PAX8: variants seen among roughly 807,000 people sequenced by gnomAD.
The protein encoded by PAX8 is paired box 8.
Under a neutral mutation model 52.4 loss-of-function variants are expected in PAX8, and 15 were observed. The ratio of observed to expected loss-of-function variants is 0.29; its 90% CI spans 0.19 to 0.44. The LOEUF is 0.44. Ranked by LOEUF, PAX8 falls within the 20% of genes least tolerant of loss-of-function variation. PAX8 has a pLI of 1.00. For missense variants in PAX8, 554 were observed against 602.5 expected (o/e 0.92, Z 0.84); for synonymous variants, 284 against 249.7 (o/e 1.14, Z -1.29).
chr2:113,242,911 C>T (rs1024357466), intron 4 of PAX8, 133 bp from the exon 5 acceptor site: 6 of 715,736 alleles, frequency 8.4e-6, no homozygotes, highest in African/African-American at 1.7e-5. Context: ...TGTCCACAGT[C>T]AAGTCTGTGA....
At chr2:113,246,672 G>A (rs1691342968) in intron 3 of PAX8, 82 bp downstream of exon 3, 2 of 1,478,152 alleles carry the variant, frequency 1.4e-6, no homozygotes, top group Admixed American at 1.7e-5. Flanking sequence ...TCCCTGGGAG[G>A]GGAATTCTCT....
In PAX8 at chr2:113,263,415, C is replaced by T. The variant is rs371960550; in HGVS notation, c.25+14955G>A. On this transcript the variant is annotated intron_variant, in intron 2 of 11. Coordinates refer to ENST00000429538, the MANE Select transcript of PAX8 (RefSeq NM_003466.4). Reference sequence around the variant, plus strand: ...ATCCAGTCTAAATGTTGGTTATAAACTCACCTGACATCCACAGGGCCCTTC... The same window carrying T: ...ATCCAGTCTAAATGTTGGTTATAAATTCACCTGACATCCACAGGGCCCTTC... The T allele has an allele frequency of 2.6e-5, 4 of 153,032 alleles. No individual in the cohort carries two copies. The East Asian group carries it at 5.8e-4, about 22-fold the overall frequency. 9.5% of individuals were successfully genotyped at this position (153,032 alleles called of 1,614,324 possible). A position where few individuals can be genotyped will look rare whatever the true frequency, so the allele number is the denominator to read the frequency against.
At chr2:113,242,554 A>T in intron 5 of PAX8, 136 bp downstream of exon 5, 4 of 762,614 alleles carry the variant, frequency 5.2e-6, no homozygotes, top group Non-Finnish European at 9.6e-6. Flanking sequence ...CTCAGTCTAC[A>T]CATGGGTTTG....
chr2:113,228,368 G>A (rs1225937366), intron 9 of PAX8, among the ~76,000 whole-genome samples: 1 of 152,202 alleles, frequency 6.6e-6, no homozygotes, highest in East Asian at 1.9e-4. Context: ...AAATGCTCCA[G>A]TTGGAATAAT....
At chr2:113,241,062 C>A in intron 7 of PAX8, 1 of 225,512 alleles carries the variant, frequency 4.4e-6, no homozygotes, top group Non-Finnish European at 8.9e-6. Context: ...GGAGGAAAGG[C>A]ATTCTGTGTG....
chr2:113,244,378 C>T (rs1691136993), intron 4 of PAX8, 49 bp downstream of exon 4: 1 of 1,461,404 alleles, frequency 6.8e-7, no homozygotes, highest in Non-Finnish European at 9.6e-7. Flanking sequence ...CTGATTTCCC[C>T]AAAGCCCAGG....
intron 2 of PAX8, chr2:113,275,098 G>A (rs1693710747): frequency 6.6e-6 from 1 of 152,204 alleles, no homozygotes; most frequent in Non-Finnish European, 1.5e-5. Context: ...TTTGGGGGTA[G>A]ACTGATAAAA....
Position 113,237,853 on chromosome 2 carries a change from A to C in PAX8, c.778-1132T>G, listed in dbSNP as rs986003157. ...AGTAGTTACATAACAGTGCCACTAA[A>C]GGCAATTGTTTTCAGTGATTTCCAT... On this transcript the variant is annotated intron_variant, in intron 7 of 11. Coordinates refer to ENST00000429538, the MANE Select transcript of PAX8 (RefSeq NM_003466.4). 3.9e-5 allele frequency: 6 copies of C among 152,338 alleles called. No individual in the cohort carries two copies. In the South Asian group the frequency reaches 1.2e-3, roughly 32 times the overall value. The allele number at this position is 152,338 out of a possible 1,614,324, so 9.4% of individuals were successfully genotyped here.
intron 4 of PAX8, 59 bp from the exon 5 acceptor site, chr2:113,242,837 G>T (rs560635389): frequency 1.7e-4 from 225 of 1,359,338 alleles, no homozygotes; most frequent in Non-Finnish European, 2.3e-4. Flanking sequence ...ACTCATGGCT[G>T]CCCCAGACCC....
At chr2:113,226,583 T>G in intron 10 of PAX8, 1 of 1,047,336 alleles carries the variant, frequency 9.5e-7, no homozygotes, top group Non-Finnish European at 1.2e-6. Flanking sequence ...TCTATAGTAC[T>G]CTTAGAGTAC....
chr2:113,273,610 C>T (rs1223303660), intron 2 of PAX8: 2 of 152,280 alleles, frequency 1.3e-5, no homozygotes, highest in East Asian at 1.9e-4. Flanking sequence ...TATCTCTGGA[C>T]AATATATACT....
chr2:113,226,985 TG>T lies in PAX8; in HGVS notation c.1189+169del, dbSNP rs200026844. ...GTTAAATAGGGAGTCAGGACTGCAC[TG>T]GGACATCGTCTCCAGGCATTTACAA... On this transcript the variant is annotated intron_variant, in intron 10 of 11. Coordinates refer to ENST00000429538, the MANE Select transcript of PAX8 (RefSeq NM_003466.4). The T allele has an allele frequency of 8.9e-3, 13,620 of 1,523,336 alleles. 84 individuals carry two copies. Among genetic ancestry groups the T allele is most frequent in the Middle Eastern group, 0.016 (90 of 5,796 alleles). 94.4% of individuals were successfully genotyped at this position (1,523,336 alleles called of 1,614,324 possible). A position where few individuals can be genotyped will look rare whatever the true frequency, so the allele number is the denominator to read the frequency against.
At chr2:113,235,716 C>T (rs1010668000) in intron 8 of PAX8, 134 bp from the exon 9 acceptor site, 2 of 670,606 alleles carry the variant, frequency 3.0e-6, no homozygotes, top group Non-Finnish European at 2.5e-6. Flanking sequence ...AGAGTCTGGG[C>T]TGGGGAGAGC....
chr2:113,233,235 C>T (rs995462620), intron 9 of PAX8, among the ~76,000 whole-genome samples: 1 of 151,668 alleles, frequency 6.6e-6, no homozygotes, highest in Non-Finnish European at 1.5e-5. Context: ...GTCAACTCCT[C>T]GCTTTAGACC....
At chr2:113,266,981 C>T (rs1693111949) in intron 2 of PAX8, 1 of 152,182 alleles carries the variant, frequency 6.6e-6, no homozygotes, top group Non-Finnish European at 1.5e-5. Context: ...ATAATAGTGA[C>T]AAATACAGTC....
intron 9 of PAX8, among the ~76,000 whole-genome samples, chr2:113,230,262 G>A (rs563732188): frequency 1.3e-5 from 2 of 152,230 alleles, no homozygotes; most frequent in East Asian, 1.9e-4. Context: ...CTGTGGCCCC[G>A]CACTCCCCTT....
Position 113,218,464 on chromosome 2 carries a change from T to C in PAX8, c.*69A>G. Reference sequence around the variant, plus strand: ...TGTAATAAATAAAGATTCCTTTGTGTGACTCTCTGGGGCCTGTCCCAGGCT... The same window carrying C: ...TGTAATAAATAAAGATTCCTTTGTGCGACTCTCTGGGGCCTGTCCCAGGCT... On this transcript the variant is annotated 3_prime_UTR_variant, in exon 12 of 12. Transcript: ENST00000429538. The C allele has an allele frequency of 2.4e-6, 2 of 832,774 alleles. No homozygotes were observed. The highest frequency in any genetic ancestry group is 3.7e-5 in the South Asian group (2 of 53,790). 51.6% of individuals were successfully genotyped at this position (832,774 alleles called of 1,614,324 possible).
chr2:113,231,705 C>G (rs1689902975), intron 9 of PAX8, among the ~76,000 whole-genome samples: 1 of 152,124 alleles, frequency 6.6e-6, no homozygotes, highest in African/African-American at 2.4e-5. Flanking sequence ...AATAATGTGG[C>G]CTCAACTTCC....
intron 5 of PAX8, 63 bp downstream of exon 5, chr2:113,242,627 T>G (rs574941138): frequency 9.4e-7 from 1 of 1,065,318 alleles, no homozygotes; most frequent in Non-Finnish European, 1.5e-6. Context: ...TGTGTATATG[T>G]GGGTATGCTG....
Sources: gnomAD v4.1 joint callset for allele counts (sites outside exome capture counted in the v4.1 genomes callset) on GRCh38, gnomAD v4.1.1 for gene constraint, MANE v1.5 for transcripts, NCBI Gene and HGNC (gene_info 2026-07-23, HGNC 2026-07-21) for gene names.